Variants in GPHN observed in about 807,000 individuals in gnomAD.
GPHN encodes gephyrin.
Under a neutral mutation model 95.5 loss-of-function variants are expected in GPHN, and 17 were observed. The observed-to-expected ratio is 0.18, with a 90% confidence interval of 0.12 to 0.27. The LOEUF is 0.27. Ranked by LOEUF, GPHN falls within the 10% of genes least tolerant of loss-of-function variation. GPHN has a pLI of 1.00. For synonymous variants in GPHN, 320 were observed against 322.5 expected, an observed-to-expected ratio of 0.99 and a Z score of 0.08; for missense variants, 660 against 978.1, an observed-to-expected ratio of 0.67 and a Z score of 4.34.
chr14:67,448,603 CA>C, the GPHN span, among the ~76,000 whole-genome samples: 3 of 151,970 alleles, frequency 2.0e-5, no homozygotes, highest in Non-Finnish European at 4.4e-5. Context: ...GGATGGTTTG[CA>C]GTTTCCAGAA....
chr14:67,258,406 G>C, the GPHN span, among the ~76,000 whole-genome samples: 1 of 152,090 alleles, frequency 6.6e-6, no homozygotes, highest in Non-Finnish European at 1.5e-5. Flanking sequence ...TGTAGTGGTG[G>C]GTGCCTGTAG....
the GPHN span, chr14:67,473,330 T>A: frequency 5.2e-6 from 8 of 1,532,442 alleles, no homozygotes; most frequent in African/African-American, 4.1e-5. The surrounding 1 kb of genome is among the most constrained non-coding windows in gnomAD (Gnocchi z 6.5). Flanking sequence ...GAGCAGGGCT[T>A]TTGCTGCATG....
intron 8 of GPHN, among the ~76,000 whole-genome samples, chr14:66,947,784 C>T (rs1033891419): frequency 1.3e-5 from 2 of 152,142 alleles, no homozygotes; most frequent in Admixed American, 1.3e-4. Flanking sequence ...ATAGTGAAAC[C>T]CTGTCTCTAC....
intron 16 of GPHN, among the ~76,000 whole-genome samples, chr14:67,118,433 T>C (rs950713103): frequency 2.0e-5 from 3 of 152,076 alleles, no homozygotes; most frequent in Non-Finnish European, 2.9e-5. Context: ...TGTCCAAAGA[T>C]TTATCCCTCG....
intron 1 of GPHN, among the ~76,000 whole-genome samples, chr14:66,658,264 T>C (rs1443674914): frequency 6.6e-6 from 1 of 152,132 alleles, no homozygotes; most frequent in Non-Finnish European, 1.5e-5. Context: ...CTTTTTCTTA[T>C]GGATAATCAA....
At chr14:67,620,304 C>A in the GPHN span, among the ~76,000 whole-genome samples, 1 of 151,808 alleles carries the variant, frequency 6.6e-6, no homozygotes, top group Admixed American at 6.6e-5. Flanking sequence ...GTGGAGGGCA[C>A]CCTGTTTGGG....
chr14:67,725,568 C>T, the GPHN span, among the ~76,000 whole-genome samples: 1 of 152,160 alleles, frequency 6.6e-6, no homozygotes, highest in African/African-American at 2.4e-5. Flanking sequence ...CCTTGTGTGG[C>T]CATAGGCATG....
At chr14:66,922,353 A>C (rs1380244699) in intron 6 of GPHN, among the ~76,000 whole-genome samples, 1 of 152,020 alleles carries the variant, frequency 6.6e-6, no homozygotes, top group African/African-American at 2.4e-5. Flanking sequence ...AAAATATTAC[A>C]AATTTTAGAT....
the GPHN span, among the ~76,000 whole-genome samples, chr14:67,476,179 C>T: frequency 5.9e-5 from 9 of 152,230 alleles, no homozygotes; most frequent in Non-Finnish European, 1.2e-4. Flanking sequence ...TCTGGGAATT[C>T]CAGCCTCACA....
the GPHN span, among the ~76,000 whole-genome samples, chr14:67,634,217 A>T: frequency 6.6e-6 from 1 of 152,150 alleles, no homozygotes; most frequent in Non-Finnish European, 1.5e-5. Flanking sequence ...TGCTACTTAG[A>T]AGCCACCTGG....
chr14:67,714,191 A>G, the GPHN span, among the ~76,000 whole-genome samples: 6 of 152,196 alleles, frequency 3.9e-5, no homozygotes, highest in Non-Finnish European at 8.8e-5. Flanking sequence ...GCTGGAGTGC[A>G]GTGGTGTGAT....
At chr14:67,423,585 AG>A in the GPHN span, among the ~76,000 whole-genome samples, 1 of 152,162 alleles carries the variant, frequency 6.6e-6, no homozygotes, top group African/African-American at 2.4e-5. Flanking sequence ...AGCATAGGAA[AG>A]GGGAAGTGGT....
At chr14:67,654,886 G>A in the GPHN span, among the ~76,000 whole-genome samples, 6 of 151,984 alleles carry the variant, frequency 3.9e-5, no homozygotes, top group South Asian at 2.1e-4. Flanking sequence ...AAAATTAGCC[G>A]GGTGTGGTGG....
At chr14:67,158,502 G>A (rs1262025706) in intron 18 of GPHN, among the ~76,000 whole-genome samples, 1 of 152,064 alleles carries the variant, frequency 6.6e-6, no homozygotes, top group African/African-American at 2.4e-5. Context: ...TGAGGCTGTA[G>A]AGATAGAAGG....
intron 8 of GPHN, among the ~76,000 whole-genome samples, chr14:66,959,481 GT>G (rs1349603278): frequency 1.3e-5 from 2 of 152,010 alleles, no homozygotes; most frequent in Admixed American, 1.3e-4. Context: ...CTCAGTTTTT[GT>G]TTATCTGGGA....
the GPHN span, among the ~76,000 whole-genome samples, chr14:67,316,201 G>T: frequency 6.6e-6 from 1 of 152,098 alleles, no homozygotes; most frequent in African/African-American, 2.4e-5. Flanking sequence ...GTAGAAGTCG[G>T]AAAAGAAAAC....
intron 11 of GPHN, among the ~76,000 whole-genome samples, 157 bp from the exon 12 acceptor site, chr14:67,088,826 C>A: frequency 6.6e-6 from 1 of 152,160 alleles, no homozygotes; most frequent in Non-Finnish European, 1.5e-5. Context: ...CAGAATGCAT[C>A]TCTTCTATCT....
At chr14:67,662,179 CA>C in the GPHN span, among the ~76,000 whole-genome samples, 23 of 141,626 alleles carry the variant, frequency 1.6e-4, no homozygotes, top group South Asian at 6.8e-4. Context: ...ACAACAACAA[CA>C]AAAAAAAAAA....
the GPHN span, chr14:67,572,128 C>G: frequency 1.9e-6 from 3 of 1,603,010 alleles, no homozygotes; most frequent in African/African-American, 1.3e-5. Context: ...CCTCCTCCCT[C>G]GGCAAGGCGT....
Sources: gnomAD v4.1 joint callset for allele counts (sites outside exome capture counted in the v4.1 genomes callset) on GRCh38, gnomAD v4.1.1 for gene constraint, Gnocchi (gnomAD v3.1) non-coding constraint, MANE v1.5 for transcripts, NCBI Gene and HGNC (gene_info 2026-07-23, HGNC 2026-07-21) for gene names.